NRG3: variants seen among roughly 807,000 people sequenced by gnomAD.
The protein encoded by NRG3 is pro-neuregulin-3, membrane-bound isoform.
In NRG3, 31 loss-of-function variants were observed where a neutral mutation model predicts 66.9. The ratio of observed to expected loss-of-function variants is 0.46; its 90% confidence interval spans 0.35 to 0.63. The LOEUF is 0.63. Ranked by LOEUF, NRG3 falls within the 20% of genes least tolerant of loss-of-function variation. The pLI, the probability that NRG3 is intolerant of heterozygous loss-of-function variation, is 0.00. For missense variants in NRG3, 910 were observed against 878.9 expected (o/e 1.04, Z -0.45); for synonymous variants, 393 against 359.4 (o/e 1.09, Z -1.06).
chr10:82,076,163 C>T (rs1408506345), intron 1 of NRG3, among the ~76,000 whole-genome samples: 1 of 152,110 alleles, frequency 6.6e-6, no homozygotes, highest in Non-Finnish European at 1.5e-5. Flanking sequence ...CATCGATAAT[C>T]AGTCAGAGCC....
intron 3 of NRG3, among the ~76,000 whole-genome samples, chr10:82,862,439 A>C (rs2135928881): frequency 6.6e-6 from 1 of 152,290 alleles, no homozygotes; most frequent in African/African-American, 2.4e-5. Flanking sequence ...CCTTAGATGG[A>C]GATTTTATAT....
intron 1 of NRG3, among the ~76,000 whole-genome samples, chr10:81,910,481 T>C (rs1397276654): frequency 1.3e-5 from 2 of 152,168 alleles, no homozygotes; most frequent in African/African-American, 4.8e-5. Flanking sequence ...TTAAATGTAA[T>C]CTATGGGAAG....
chr10:82,815,412 T>A (rs2061664704), intron 3 of NRG3, among the ~76,000 whole-genome samples: 1 of 152,120 alleles, frequency 6.6e-6, no homozygotes, highest in African/African-American at 2.4e-5. Context: ...CTTAAAAGCT[T>A]ACAACAAACA....
intron 1 of NRG3, among the ~76,000 whole-genome samples, chr10:81,915,184 T>A (rs1845559047): frequency 6.6e-6 from 1 of 152,160 alleles, no homozygotes; most frequent in Non-Finnish European, 1.5e-5. Context: ...TGCTCCTCCC[T>A]AAAAAAAGAT....
At chr10:82,490,873 T>C (rs10884789) in intron 2 of NRG3, among the ~76,000 whole-genome samples, 8,732 of 152,114 alleles carry the variant, frequency 0.057, 543 homozygotes, top group East Asian at 0.17. Flanking sequence ...AATAAAAAAC[T>C]AAATATTTAA....
chr10:82,245,277 G>A (rs1187074859), intron 1 of NRG3, among the ~76,000 whole-genome samples: 1 of 152,110 alleles, frequency 6.6e-6, no homozygotes, highest in Non-Finnish European at 1.5e-5. Flanking sequence ...ACTCCTGTGA[G>A]AATCTCATGC....
intron 3 of NRG3, among the ~76,000 whole-genome samples, chr10:82,808,284 TAC>T (rs917391030): frequency 3.3e-5 from 5 of 152,056 alleles, no homozygotes; most frequent in African/African-American, 1.2e-4. Context: ...AGCTTATAAA[TAC>T]AGTTTCTACT....
At chr10:82,880,386 G>T (rs1842201763) in intron 4 of NRG3, among the ~76,000 whole-genome samples, 1 of 152,184 alleles carries the variant, frequency 6.6e-6, no homozygotes, top group Middle Eastern at 3.4e-3. Flanking sequence ...GAGCTTCAGG[G>T]CACAGAAAGT....
chr10:81,986,345 A>G (rs932716090), intron 1 of NRG3, among the ~76,000 whole-genome samples: 4 of 152,168 alleles, frequency 2.6e-5, no homozygotes, highest in African/African-American at 9.7e-5. Context: ...ATGTAAAGGT[A>G]TGTTTTAGTT....
rs1403771451 is a variant in NRG3 at position 82,698,449 on chromosome 10, A to G, written c.954-40128A>G. ...TGCTTTAAATAATCCAAAAGATTAA[A>G]TAATACCATGATAAAATAACTTACA... On this transcript the variant is annotated intron_variant, in intron 2 of 8. Coordinates refer to ENST00000372141, the MANE Select transcript of NRG3 (RefSeq NM_001010848.4). Among the ~76,000 whole-genome samples the G allele has an allele frequency of 2.6e-5, 4 of 152,204 alleles. No individual in the cohort carries two copies. In the East Asian group the frequency reaches 7.7e-4, roughly 29 times the overall value.
intron 1 of NRG3, among the ~76,000 whole-genome samples, chr10:82,037,287 A>C (rs2062830998): frequency 6.6e-6 from 1 of 152,112 alleles, no homozygotes; most frequent in Non-Finnish European, 1.5e-5. Flanking sequence ...TCATGGCACA[A>C]GGATCCTCTG....
chr10:82,168,490 A>C (rs1427375510), intron 1 of NRG3, among the ~76,000 whole-genome samples: 1 of 152,204 alleles, frequency 6.6e-6, no homozygotes, highest in East Asian at 1.9e-4. Flanking sequence ...GAATAATGAA[A>C]GTATCAATAC....
At chr10:82,441,186 G>A (rs906276532) in intron 2 of NRG3, among the ~76,000 whole-genome samples, 1 of 152,156 alleles carries the variant, frequency 6.6e-6, no homozygotes. Context: ...CAAGAAATCA[G>A]GTCCACACGA....
At chr10:82,414,755 G>A (rs1235566601) in intron 2 of NRG3, among the ~76,000 whole-genome samples, 1 of 152,170 alleles carries the variant, frequency 6.6e-6, no homozygotes, top group African/African-American at 2.4e-5. Context: ...CACAGAGAGA[G>A]AGAGATGATT....
At chr10:82,531,754 AC>A (rs1847295986) in intron 2 of NRG3, among the ~76,000 whole-genome samples, 1 of 151,770 alleles carries the variant, frequency 6.6e-6, no homozygotes, top group African/African-American at 2.4e-5. Flanking sequence ...TTTCACCTTC[AC>A]CTAATCTTAG....
chr10:82,538,025 A>G (rs1352170573), intron 2 of NRG3, among the ~76,000 whole-genome samples: 1 of 152,192 alleles, frequency 6.6e-6, no homozygotes, highest in Non-Finnish European at 1.5e-5. Context: ...CCAGGAATTT[A>G]TGAGGAAAGA....
chr10:82,253,189 A>G (rs927038228), intron 1 of NRG3, among the ~76,000 whole-genome samples: 1 of 152,184 alleles, frequency 6.6e-6, no homozygotes, highest in Non-Finnish European at 1.5e-5. Flanking sequence ...CTATCTGGTT[A>G]GTTCAAATAC....
intron 1 of NRG3, among the ~76,000 whole-genome samples, chr10:82,056,833 T>C (rs1168804285): frequency 6.6e-6 from 1 of 152,198 alleles, no homozygotes; most frequent in African/African-American, 2.4e-5. Flanking sequence ...TTGTGTTTGC[T>C]ATTGAGAAGC....
intron 1 of NRG3, among the ~76,000 whole-genome samples, chr10:82,161,404 A>G (rs2071586608): frequency 6.6e-6 from 1 of 152,118 alleles, no homozygotes; most frequent in Admixed American, 6.6e-5. Context: ...TTAAATACAG[A>G]AGCACCGACT....
Sources: gnomAD v4.1 joint callset for allele counts (sites outside exome capture counted in the v4.1 genomes callset) on GRCh38, gnomAD v4.1.1 for gene constraint, MANE v1.5 for transcripts, NCBI Gene and HGNC (gene_info 2026-07-23, HGNC 2026-07-21) for gene names.